CLVS2: variants seen among roughly 807,000 people sequenced by gnomAD.
CLVS2 encodes the protein clavesin 2, also known as clavesin-2.
A neutral mutation model predicts 29.0 loss-of-function variants in CLVS2; 19 were observed. The observed-to-expected ratio is 0.66, with a 90% CI of 0.46 to 0.96. The LOEUF (loss-of-function observed/expected upper bound fraction) is 0.96. Among genes scored for constraint, CLVS2 ranks in the 40% least tolerant of loss-of-function variants. CLVS2 has a pLI of 0.00. For missense variants in CLVS2, 294 were observed against 404.1 expected (o/e 0.73, Z 2.34); for synonymous variants, 161 against 151.3 (o/e 1.06, Z -0.47).
At chr6:123,038,201 A>G (rs1224924588) in intron 3 of CLVS2, among the ~76,000 whole-genome samples, 1 of 151,992 alleles carries the variant, frequency 6.6e-6, no homozygotes, top group Non-Finnish European at 1.5e-5. Context: ...TTCTTTTGTG[A>G]GTTCTTCCCT....
intron 2 of CLVS2, among the ~76,000 whole-genome samples, chr6:123,002,346 G>T (rs531732859): frequency 1.3e-5 from 2 of 152,228 alleles, no homozygotes; most frequent in Admixed American, 6.5e-5. Flanking sequence ...CAAAAAACTT[G>T]TCAGTTTGCT....
chr6:122,999,221 G>T (rs577407559), intron 2 of CLVS2, among the ~76,000 whole-genome samples: 2 of 152,174 alleles, frequency 1.3e-5, no homozygotes, highest in Admixed American at 1.3e-4. Flanking sequence ...CATCTCTGGA[G>T]CCATCGTACA....
At chr6:122,997,184 CT>C (rs1483858119) in intron 1 of CLVS2, 34 bp from the exon 2 acceptor site, 1 of 167,590 alleles carries the variant, frequency 6.0e-6, no homozygotes, top group African/African-American at 2.4e-5. Flanking sequence ...TTTCTCCCCC[CT>C]CTTTCTCTCT....
At chr6:123,056,067 A>C (rs753654320) in intron 5 of CLVS2, 41 bp downstream of exon 5, 82 of 1,357,446 alleles carry the variant, frequency 6.0e-5, no homozygotes, top group Non-Finnish European at 7.7e-5. Flanking sequence ...GGGCCAGGGC[A>C]GGGAGAGGCA....
intron 3 of CLVS2, among the ~76,000 whole-genome samples, chr6:123,042,358 GACTA>G (rs1208811247): frequency 3.3e-5 from 5 of 152,084 alleles, no homozygotes; most frequent in Admixed American, 6.5e-5. Context: ...CTACATATCA[GACTA>G]ACTACTTCTT....
intron 2 of CLVS2, among the ~76,000 whole-genome samples, chr6:123,001,699 A>G (rs1333921238): frequency 1.3e-5 from 2 of 152,184 alleles, no homozygotes; most frequent in Non-Finnish European, 2.9e-5. Context: ...GGACTCAGCA[A>G]ATACCTTCAA....
intron 3 of CLVS2, among the ~76,000 whole-genome samples, chr6:123,023,666 C>A (rs1774956046): frequency 6.6e-6 from 1 of 152,082 alleles, no homozygotes; most frequent in African/African-American, 2.4e-5. Flanking sequence ...TATCTGCCTT[C>A]TTCATAAAGA....
At chr6:123,055,491 T>C (rs937441336) in intron 4 of CLVS2, among the ~76,000 whole-genome samples, 15 of 152,154 alleles carry the variant, frequency 9.9e-5, no homozygotes, top group East Asian at 3.9e-4. Context: ...CAGATCAGCA[T>C]GTACGTATTA....
At chr6:123,029,958 A>G (rs925359458) in intron 3 of CLVS2, among the ~76,000 whole-genome samples, 1 of 152,170 alleles carries the variant, frequency 6.6e-6, no homozygotes, top group Non-Finnish European at 1.5e-5. Context: ...ACGTGGAGAA[A>G]GGCTGTTAGA....
intron 3 of CLVS2, among the ~76,000 whole-genome samples, chr6:123,041,328 A>G (rs1479262172): frequency 6.6e-6 from 1 of 152,220 alleles, no homozygotes; most frequent in Non-Finnish European, 1.5e-5. Context: ...TGTTAGTGTG[A>G]GACCTGTTCT....
At chr6:123,022,605 C>T (rs961252167) in intron 3 of CLVS2, among the ~76,000 whole-genome samples, 2 of 151,286 alleles carry the variant, frequency 1.3e-5, no homozygotes, top group Admixed American at 1.3e-4. Flanking sequence ...AGGTCTTTTT[C>T]CCCCCCCAGG....
At chr6:123,023,982 T>C (rs1372425767) in intron 3 of CLVS2, among the ~76,000 whole-genome samples, 1 of 152,120 alleles carries the variant, frequency 6.6e-6, no homozygotes, top group Non-Finnish European at 1.5e-5. Flanking sequence ...TTCTTTTTTG[T>C]CCTATGCTCA....
At chr6:123,051,391 A>G (rs73545705) in intron 4 of CLVS2, among the ~76,000 whole-genome samples, 3,031 of 152,244 alleles carry the variant, frequency 0.02, 88 homozygotes, top group African/African-American at 0.067. Context: ...CTTCCCATCC[A>G]TCATGGCCAC....
chr6:122,997,724 C>A lies in CLVS2; in HGVS notation c.-54C>A, dbSNP rs1394514776. 8.9e-6 allele frequency: 14 copies of A among 1,579,692 alleles called. No homozygotes were observed. Among genetic ancestry groups the A allele is most frequent in the African/African-American group, 1.3e-5 (1 of 74,280 alleles). ...CTGGTGGTGGCAAGGACCAGGTTTG[C>A]TTTGGGACAGTCAACAAGGTCTTCT... On this transcript the variant is annotated 5_prime_UTR_variant, in exon 2 of 6. Coordinates refer to ENST00000275162, the MANE Select transcript of CLVS2 (RefSeq NM_001010852.4).
rs1337636471 is a variant in CLVS2 at position 122,997,660 on chromosome 6, G to C, written c.-118G>C. 1.1e-6 allele frequency: 1 copy of C among 942,668 alleles called. No homozygotes were observed. Among genetic ancestry groups the C allele is most frequent in the African/African-American group, 1.7e-5 (1 of 60,604 alleles). The allele number at this position is 942,668 out of a possible 1,614,324, so 58.4% of individuals were successfully genotyped here. On this transcript the variant is annotated 5_prime_UTR_variant, in exon 2 of 6. Coordinates refer to ENST00000275162, the MANE Select transcript of CLVS2 (RefSeq NM_001010852.4). Reference sequence around the variant, plus strand: ...ACCAAGATTATTAATTTCCTGTAGGGGAGAGGAAGCAGGCAGCAGGAGGTC... The same window carrying C: ...ACCAAGATTATTAATTTCCTGTAGGCGAGAGGAAGCAGGCAGCAGGAGGTC...
chr6:123,034,169 G>A (rs548130783), intron 3 of CLVS2, among the ~76,000 whole-genome samples: 2 of 152,078 alleles, frequency 1.3e-5, no homozygotes, highest in African/African-American at 4.8e-5. Context: ...CTGTAAAGCT[G>A]AACATGAGAC....
intron 5 of CLVS2, among the ~76,000 whole-genome samples, chr6:123,063,257 A>G (rs1772804172): frequency 6.6e-6 from 1 of 152,138 alleles, no homozygotes; most frequent in Non-Finnish European, 1.5e-5. Flanking sequence ...AAAGACTGGA[A>G]TTAAGCCTCC....
chr6:123,005,616 A>G (rs2114301153), intron 2 of CLVS2, among the ~76,000 whole-genome samples: 1 of 152,290 alleles, frequency 6.6e-6, no homozygotes, highest in South Asian at 2.1e-4. Context: ...AAGCTATGGT[A>G]GAGGAGGAGA....
chr6:123,057,086 C>T (rs990948929), intron 5 of CLVS2, among the ~76,000 whole-genome samples: 3 of 152,150 alleles, frequency 2.0e-5, no homozygotes, highest in Non-Finnish European at 4.4e-5. Context: ...TCAGACTTCC[C>T]AGGCAACCAC....
Sources: gnomAD v4.1 joint callset for allele counts (sites outside exome capture counted in the v4.1 genomes callset) on GRCh38, gnomAD v4.1.1 for gene constraint, MANE v1.5 for transcripts, NCBI Gene and HGNC (gene_info 2026-07-23, HGNC 2026-07-21) for gene names.